LRRC37A: variants seen among roughly 807,000 people sequenced by gnomAD.
LRRC37A encodes leucine rich repeat containing 37A.
LRRC37A carries 3 observed loss-of-function variants against 35.4 expected under a neutral mutation model. The ratio of observed to expected loss-of-function variants is 0.08; its 90% CI spans 0.04 to 0.22. The LOEUF (loss-of-function observed/expected upper bound fraction) is 0.22. Ranked by LOEUF, LRRC37A falls within the 10% of genes least tolerant of loss-of-function variation. The probability of loss-of-function intolerance (pLI) is 1.00; values close to 1 mark genes in which losing one functional copy is unlikely to be tolerated. For synonymous variants in LRRC37A, 23 were observed against 215.0 expected (o/e 0.11, Z 7.81); for missense variants, 67 against 565.3 (o/e 0.12, Z 8.94).
At chr17:46,283,371 G>A in the LRRC37A span, among the ~76,000 whole-genome samples, 2 of 152,238 alleles carry the variant, frequency 1.3e-5, no homozygotes, top group African/African-American at 4.8e-5. Context: ...CTGGTTCAAG[G>A]AAAGGCTGGG....
intron 5 of LRRC37A, among the ~76,000 whole-genome samples, chr17:46,309,018 A>C (rs1258192209): frequency 1.3e-5 from 1 of 75,682 alleles, no homozygotes; most frequent in African/African-American, 3.4e-5. Context: ...AAATCTCTTG[A>C]ATGAAGCCTC....
At chr17:46,252,766 T>C in the LRRC37A span, among the ~76,000 whole-genome samples, 10 of 152,084 alleles carry the variant, frequency 6.6e-5, no homozygotes, top group East Asian at 1.9e-4. Flanking sequence ...GTCTCCCATG[T>C]CTACCCGCCT....
At chr17:46,273,721 T>C in the LRRC37A span, among the ~76,000 whole-genome samples, 15,476 of 143,754 alleles carry the variant, frequency 0.11, 1 homozygote, top group Middle Eastern at 0.17. Flanking sequence ...TGTAAGAACA[T>C]TGAAAGGAAG....
Position 46,308,802 on chromosome 17 carries a change from A to C in LRRC37A, c.2906+2493A>C, listed in dbSNP as rs2143688137. Among the ~76,000 whole-genome samples, 2 of 76,028 alleles carry C rather than the reference A, an allele frequency of 2.6e-5. 1 individual carries two copies. The allele number at this position is 76,028 out of a possible 152,430, so 49.9% of individuals were successfully genotyped here. On this transcript the variant is annotated intron_variant, in intron 5 of 13. Transcript: ENST00000320254. ...CACAAGTTTATAAAAAACAAACAAA[A>C]AAAGAGGCCCCAGCTGTGGTTGATC... is the stretch of plus-strand genomic sequence containing the variant.
chr17:46,254,044 G>A, the LRRC37A span, among the ~76,000 whole-genome samples: 1 of 152,194 alleles, frequency 6.6e-6, no homozygotes, highest in African/African-American at 2.4e-5. Flanking sequence ...ACCCTGAGAG[G>A]CCATCCTTTT....
chr17:46,267,664 C>G, the LRRC37A span: 1 of 1,306,486 alleles, frequency 7.7e-7, no homozygotes, highest in Non-Finnish European at 1.1e-6. Flanking sequence ...ATTTAGACGA[C>G]AGGTATTATT....
At chr17:46,273,931 T>C in the LRRC37A span, among the ~76,000 whole-genome samples, 3 of 152,266 alleles carry the variant, frequency 2.0e-5, no homozygotes, top group Non-Finnish European at 2.9e-5. Flanking sequence ...TATCACAGAA[T>C]GTACAGATGA....
the LRRC37A span, among the ~76,000 whole-genome samples, chr17:46,287,467 C>A: frequency 6.6e-6 from 1 of 152,338 alleles, no homozygotes; most frequent in South Asian, 2.1e-4. Flanking sequence ...ACTACAAGGA[C>A]CATGCAGGTC....
chr17:46,279,373 G>A, the LRRC37A span, among the ~76,000 whole-genome samples: 1 of 151,616 alleles, frequency 6.6e-6, no homozygotes, highest in Non-Finnish European at 1.5e-5. Context: ...TAATAGAGAC[G>A]AGGTTTTGCC....
At chr17:46,271,332 A>ATTTTTTTTTTTTTTTTTT in the LRRC37A span, among the ~76,000 whole-genome samples, 4 of 125,644 alleles carry the variant, frequency 3.2e-5, no homozygotes, top group African/African-American at 6.3e-5. Flanking sequence ...TACCTAGCTA[A>ATTTTTTTTTTTTTTTTTT]TTTTTTTTTT....
chr17:46,280,214 A>G, the LRRC37A span, among the ~76,000 whole-genome samples: 2 of 152,178 alleles, frequency 1.3e-5, no homozygotes, highest in Non-Finnish European at 2.9e-5. Context: ...AAACACAAAA[A>G]TTAGCCAGGT....
the LRRC37A span, among the ~76,000 whole-genome samples, chr17:46,254,810 T>C: frequency 2.0e-5 from 3 of 151,198 alleles, no homozygotes; most frequent in African/African-American, 7.3e-5. Context: ...AGCACTGGGA[T>C]TGCAGACATA....
the LRRC37A span, among the ~76,000 whole-genome samples, chr17:46,251,093 T>C: frequency 2.0e-5 from 3 of 152,168 alleles, no homozygotes; most frequent in African/African-American, 4.8e-5. Context: ...AGCAAGACCC[T>C]GTCTCAAAAA....
chr17:46,290,723 A>G (rs2143455826), upstream of LRRC37A, among the ~76,000 whole-genome samples: 1 of 152,394 alleles, frequency 6.6e-6, no homozygotes, highest in South Asian at 2.1e-4. Flanking sequence ...CTGGGATTAT[A>G]GGCATGAGCC....
the LRRC37A span, among the ~76,000 whole-genome samples, chr17:46,253,510 G>A: frequency 9.8e-5 from 15 of 152,344 alleles, 1 homozygote; most frequent in East Asian, 2.9e-3. Context: ...ACCTCGGGAG[G>A]CCGAGGCTGG....
chr17:46,263,152 C>T, the LRRC37A span, among the ~76,000 whole-genome samples: 2 of 152,060 alleles, frequency 1.3e-5, no homozygotes, highest in Non-Finnish European at 2.9e-5. Context: ...AGGTCAAGGC[C>T]ACAGTGAGCC....
chr17:46,252,234 T>A, the LRRC37A span, among the ~76,000 whole-genome samples: 1 of 152,034 alleles, frequency 6.6e-6, no homozygotes, highest in Non-Finnish European at 1.5e-5. Flanking sequence ...TCAGACAGGA[T>A]CTCGCTGTCA....
chr17:46,266,235 ACT>A, the LRRC37A span, among the ~76,000 whole-genome samples: 1 of 151,852 alleles, frequency 6.6e-6, no homozygotes, highest in Non-Finnish European at 1.5e-5. Context: ...AGCGGCCATC[ACT>A]CTTTCTCCCC....
At chr17:46,275,914 G>A in the LRRC37A span, among the ~76,000 whole-genome samples, 6 of 149,898 alleles carry the variant, frequency 4.0e-5, no homozygotes, top group African/African-American at 7.4e-5. Flanking sequence ...TTTTTGAGAC[G>A]AAGTCTCGCT....
Sources: gnomAD v4.1 joint callset for allele counts (sites outside exome capture counted in the v4.1 genomes callset) on GRCh38, gnomAD v4.1.1 for gene constraint, MANE v1.5 for transcripts, NCBI Gene and HGNC (gene_info 2026-07-23, HGNC 2026-07-21) for gene names.